Variants in RBFOX1 observed in about 807,000 individuals in gnomAD.
RBFOX1 encodes the protein RNA binding protein fox-1 homolog 1.
In RBFOX1, 8 loss-of-function variants were observed where a neutral mutation model predicts 57.7. That is an observed-to-expected ratio of 0.14 (90% CI 0.08 to 0.25). The LOEUF (loss-of-function observed/expected upper bound fraction) is 0.25. Among genes scored for constraint, RBFOX1 ranks in the 10% least tolerant of loss-of-function variants. The pLI, the probability that RBFOX1 is intolerant of heterozygous loss-of-function variation, is 1.00. For missense variants in RBFOX1, 611 were observed against 548.5 expected, an observed-to-expected ratio of 1.11 and a Z score of -1.14; for synonymous variants, 326 against 222.4, an observed-to-expected ratio of 1.47 and a Z score of -4.15.
intron 4 of RBFOX1, among the ~76,000 whole-genome samples, chr16:5,922,760 T>A (rs1374702365): frequency 1.3e-5 from 2 of 152,262 alleles, no homozygotes; most frequent in East Asian, 3.8e-4. Flanking sequence ...ATAAATGAGT[T>A]TAATTACTTA....
At chr16:6,169,483 A>T (rs1439654967) in intron 1 of RBFOX1, among the ~76,000 whole-genome samples, 3 of 152,220 alleles carry the variant, frequency 2.0e-5, no homozygotes, top group African/African-American at 4.8e-5. Flanking sequence ...AAAGGAGTTA[A>T]TTGAACAATG....
intron 1 of RBFOX1, among the ~76,000 whole-genome samples, chr16:5,296,891 C>T (rs779078472): frequency 6.6e-6 from 1 of 152,012 alleles, no homozygotes; most frequent in Admixed American, 6.6e-5. Flanking sequence ...GTTGGTCAGG[C>T]TGGTCTCGAA....
At chr16:6,562,483 A>G (rs2097191366) in intron 2 of RBFOX1, among the ~76,000 whole-genome samples, 1 of 152,254 alleles carries the variant, frequency 6.6e-6, no homozygotes, top group Non-Finnish European at 1.5e-5. Context: ...CAGGAGGTAT[A>G]TGTAGCAGGA....
chr16:5,815,439 T>C (rs1396020214), intron 3 of RBFOX1, among the ~76,000 whole-genome samples: 1 of 152,076 alleles, frequency 6.6e-6, no homozygotes, highest in Non-Finnish European at 1.5e-5. Flanking sequence ...GCAGCTCTGT[T>C]GATCAGAAAC....
chr16:7,233,731 T>C (rs2093628834), intron 4 of RBFOX1, among the ~76,000 whole-genome samples: 1 of 152,206 alleles, frequency 6.6e-6, no homozygotes, highest in African/African-American at 2.4e-5. Context: ...ATGGTATATG[T>C]GTCAGAGAAA....
intron 1 of RBFOX1, among the ~76,000 whole-genome samples, chr16:6,042,104 T>A (rs2095443216): frequency 6.8e-6 from 1 of 146,802 alleles, no homozygotes; most frequent in Non-Finnish European, 1.5e-5. Flanking sequence ...CTCTCCTACT[T>A]TTTTTTTTTT....
At chr16:6,574,818 C>T (rs1203168114) in intron 2 of RBFOX1, among the ~76,000 whole-genome samples, 21 of 149,690 alleles carry the variant, frequency 1.4e-4, no homozygotes, top group African/African-American at 5.1e-4. Flanking sequence ...GTGGGCGGAT[C>T]ACGAGGTCAG....
At chr16:7,315,529 C>T (rs2096418064) in intron 4 of RBFOX1, among the ~76,000 whole-genome samples, 1 of 149,180 alleles carries the variant, frequency 6.7e-6, no homozygotes, top group Non-Finnish European at 1.5e-5. Context: ...TTCTTATTAA[C>T]ATTTATGCTT....
intron 2 of RBFOX1, among the ~76,000 whole-genome samples, chr16:6,564,531 G>C (rs1324666805): frequency 6.6e-6 from 1 of 152,090 alleles, no homozygotes; most frequent in Non-Finnish European, 1.5e-5. Flanking sequence ...CGTGCTAAGT[G>C]AGATAAGCCA....
chr16:6,276,762 T>C (rs978360481), intron 1 of RBFOX1, among the ~76,000 whole-genome samples: 1 of 151,982 alleles, frequency 6.6e-6, no homozygotes, highest in Non-Finnish European at 1.5e-5. Flanking sequence ...TATCACAGCA[T>C]CCTGTTTATC....
At chr16:6,479,078 A>G (rs1472414915) in intron 2 of RBFOX1, among the ~76,000 whole-genome samples, 1 of 152,144 alleles carries the variant, frequency 6.6e-6, no homozygotes, top group Non-Finnish European at 1.5e-5. Flanking sequence ...CAATAAAATG[A>G]GGTATGCCTG....
intron 4 of RBFOX1, among the ~76,000 whole-genome samples, chr16:7,235,024 G>A (rs187818532): frequency 9.9e-4 from 151 of 152,176 alleles, no homozygotes; most frequent in African/African-American, 3.5e-3. Flanking sequence ...TTTTTGCAAG[G>A]CAAGTCGAAG....
At chr16:7,709,367 CAG>C in intron 15 of RBFOX1, 1 of 1,115,308 alleles carries the variant, frequency 9.0e-7, no homozygotes, top group South Asian at 1.8e-5. Context: ...TCTCACCTAG[CAG>C]AGCACTTACC....
intron 1 of RBFOX1, among the ~76,000 whole-genome samples, chr16:6,279,060 A>G (rs1336045187): frequency 6.6e-6 from 1 of 152,172 alleles, no homozygotes; most frequent in African/African-American, 2.4e-5. Flanking sequence ...GTGATAAATC[A>G]TTGCAGGTGG....
intron 1 of RBFOX1, among the ~76,000 whole-genome samples, chr16:6,023,168 T>A (rs193125859): frequency 6.6e-6 from 1 of 151,836 alleles, no homozygotes; most frequent in African/African-American, 2.4e-5. Context: ...AGCTACAGAG[T>A]TTTCCACTCA....
chr16:5,472,055 G>A (rs1471019941), intron 2 of RBFOX1, among the ~76,000 whole-genome samples: 1 of 152,148 alleles, frequency 6.6e-6, no homozygotes, highest in East Asian at 1.9e-4. Context: ...TGCCTTCTCT[G>A]TGACTTCTGA....
At chr16:6,737,112 G>C (rs1268651684) in intron 3 of RBFOX1, among the ~76,000 whole-genome samples, 1 of 152,164 alleles carries the variant, frequency 6.6e-6, no homozygotes, top group Non-Finnish European at 1.5e-5. Flanking sequence ...GATAGTCCCT[G>C]CCTTCATTGG....
chr16:6,960,125 C>G (rs765737453), intron 3 of RBFOX1, among the ~76,000 whole-genome samples: 8 of 152,028 alleles, frequency 5.3e-5, no homozygotes, highest in South Asian at 2.1e-4. Context: ...AAGAAACTCC[C>G]CAGGTCTTGA....
chr16:7,211,391 C>CAAACA (rs1555573925), intron 4 of RBFOX1, among the ~76,000 whole-genome samples: 1 of 83,942 alleles, frequency 1.2e-5, no homozygotes. Context: ...GACTGCCTCT[C>CAAACA]AAAAAAAAAA....
Sources: gnomAD v4.1 joint callset for allele counts (sites outside exome capture counted in the v4.1 genomes callset) on GRCh38, gnomAD v4.1.1 for gene constraint, MANE v1.5 for transcripts, NCBI Gene and HGNC (gene_info 2026-07-23, HGNC 2026-07-21) for gene names.